SYNE2: variants seen among roughly 807,000 people sequenced by gnomAD.
SYNE2 encodes the protein spectrin repeat containing nuclear envelope protein 2, also known as nesprin-2.
SYNE2 carries 431 observed loss-of-function variants against 856.3 expected under a neutral mutation model. That is an observed-to-expected ratio of 0.50 (90% CI 0.47 to 0.55). The LOEUF (loss-of-function observed/expected upper bound fraction) is 0.55. Ranked by LOEUF, SYNE2 falls within the 20% of genes least tolerant of loss-of-function variation. SYNE2 has a pLI of 0.00. For synonymous variants in SYNE2, 2,923 were observed against 2,872.3 expected, an observed-to-expected ratio of 1.02 and a Z score of -0.56; for missense variants, 8,129 against 8,023.2, an observed-to-expected ratio of 1.01 and a Z score of -0.50.
chr14:64,133,030 G>A (rs188791659), intron 77 of SYNE2, among the ~76,000 whole-genome samples: 3 of 148,050 alleles, frequency 2.0e-5, no homozygotes, highest in Middle Eastern at 3.4e-3. Context: ...GTGAAACCCC[G>A]TCTCTACTAA....
chr14:64,216,445 CAA>C, intron 108 of SYNE2, 58 bp downstream of exon 108: 1 of 1,583,680 alleles, frequency 6.3e-7, no homozygotes, highest in South Asian at 1.1e-5. Flanking sequence ...CTTACATTTG[CAA>C]GAGAGAGAGA....
intron 115 of SYNE2, 82 bp from the exon 116 acceptor site, chr14:64,225,237 T>C (rs2098713762): frequency 1.2e-6 from 2 of 1,608,332 alleles, no homozygotes; most frequent in Admixed American, 3.3e-5. Context: ...GATTTCTTAC[T>C]TACATAAGCA....
In SYNE2 at chr14:63,941,805, T is replaced by C; in HGVS notation, c.237+15T>C. 1 of 1,613,334 alleles carries C rather than the reference T, an allele frequency of 6.2e-7. No homozygotes were observed. The highest frequency in any genetic ancestry group is 8.5e-7 in the Non-Finnish European group (1 of 1,179,270). On this transcript the variant is annotated intron_variant, in intron 4 of 115. Coordinates refer to ENST00000555002, the MANE Select transcript of SYNE2 (RefSeq NM_182914.3). ...GGCAACAGTTGGTAAGATTTTTAAA[T>C]GACACTGAGAAACTTTCTGTTGACT...
chr14:64,166,025 TA>T (rs549988817), intron 90 of SYNE2, among the ~76,000 whole-genome samples: 4 of 152,200 alleles, frequency 2.6e-5, no homozygotes, highest in East Asian at 1.9e-4. Context: ...TAGTTTAATA[TA>T]AAAAAAATTC....
At chr14:64,150,363 G>T (rs1368995719) in intron 84 of SYNE2, among the ~76,000 whole-genome samples, 1 of 149,054 alleles carries the variant, frequency 6.7e-6, no homozygotes, top group Non-Finnish European at 1.5e-5. Context: ...GGGACTGTAG[G>T]CGTGTGCCAC....
chr14:64,093,004 TG>T (rs1345121457), intron 60 of SYNE2, among the ~76,000 whole-genome samples: 1 of 151,556 alleles, frequency 6.6e-6, no homozygotes, highest in Admixed American at 6.6e-5. Flanking sequence ...GTATGTGACT[TG>T]TCAGTAACTT....
At chr14:63,993,427 A>G (rs1285523817) in intron 21 of SYNE2, among the ~76,000 whole-genome samples, 2 of 152,216 alleles carry the variant, frequency 1.3e-5, no homozygotes, top group Non-Finnish European at 2.9e-5. Flanking sequence ...TATACTCTTC[A>G]TATTATATTG....
rs545725497 is a variant in SYNE2, at chr14:64,138,210, C to T, written c.14843+227C>T. On this transcript the variant is annotated intron_variant, in intron 79 of 115. Transcript: ENST00000555002. ...GTTTGCTGTGATCGTTTTTTCTTTT[C>T]TTTTCTTTTCTTTTCTTTTTTGTTT... 4.2e-4 allele frequency among the ~76,000 whole-genome samples: 64 copies of T among 151,834 alleles called. 2 individuals carry two copies. The South Asian group carries it at 0.013, about 31-fold the overall frequency.
intron 1 of SYNE2, among the ~76,000 whole-genome samples, chr14:63,857,671 C>T (rs571757917): frequency 2.6e-5 from 4 of 152,262 alleles, no homozygotes; most frequent in African/African-American, 9.6e-5. Flanking sequence ...TGTGTAGTGA[C>T]ACCTCATTGT....
intron 1 of SYNE2, among the ~76,000 whole-genome samples, chr14:63,865,709 T>TG: frequency 1.5e-5 from 1 of 68,056 alleles, no homozygotes; most frequent in East Asian, 3.6e-4. Context: ...CAAAACTCTG[T>TG]ACCCACCCCC....
At chr14:63,768,364 A>C (rs1005801670) in intron 1 of SYNE2, among the ~76,000 whole-genome samples, 2 of 152,196 alleles carry the variant, frequency 1.3e-5, no homozygotes, top group African/African-American at 4.8e-5. Flanking sequence ...TTAAGCCTTC[A>C]TGTTGTAAAC....
intron 102 of SYNE2, 132 bp downstream of exon 102, chr14:64,209,710 GC>G: frequency 7.5e-7 from 1 of 1,337,876 alleles, no homozygotes; most frequent in Non-Finnish European, 1.0e-6. Context: ...ACCACAGCCT[GC>G]CCCCAGCTGC....
chr14:64,065,743 C>G (rs2097354286), intron 51 of SYNE2, 93 bp downstream of exon 51: 1 of 1,384,026 alleles, frequency 7.2e-7, no homozygotes. Flanking sequence ...AAAACGAGTC[C>G]TTAGCCTATA....
chr14:63,970,025 ATTATAC>A (rs2096453833), intron 11 of SYNE2, among the ~76,000 whole-genome samples: 1 of 152,154 alleles, frequency 6.6e-6, no homozygotes, highest in Non-Finnish European at 1.5e-5. Flanking sequence ...ATCTAGTAAT[ATTATAC>A]TTAATCTTAT....
Position 64,163,502 on chromosome 14 carries a change from T to C in SYNE2, c.16400T>C (p.Leu5467Pro), listed in dbSNP as rs1157859905. The C allele has an allele frequency of 6.2e-7, 1 of 1,613,974 alleles. No homozygotes were observed. Among genetic ancestry groups the C allele is most frequent in the East Asian group, 2.2e-5 (1 of 44,882 alleles). Residue 5467 changes from leucine to proline, a missense_variant, in exon 89 of 116, where the codon CTC becomes CCC. By Grantham distance (98) the Leu-to-Pro change is moderately conservative. This residue lies in a region of SYNE2 where 5,410 missense variants were observed against 5,284.8 expected (regional missense o/e 1.02). Transcript: ENST00000555002. ...PQPAESSTHM[L>P]LPGPLHSLQR... is the part of the protein sequence containing the mutation. ...CCCGCAGAGTCCAGCACCCACATGCTCCTCCCGGGCCCCCTGCACTCTCTC... is the reference window on the plus strand; with the variant it reads ...CCCGCAGAGTCCAGCACCCACATGCCCCTCCCGGGCCCCCTGCACTCTCTC...
chr14:63,859,809 C>T (rs760137722), intron 1 of SYNE2, among the ~76,000 whole-genome samples: 1 of 152,200 alleles, frequency 6.6e-6, no homozygotes, highest in Non-Finnish European at 1.5e-5. Context: ...GAGCAAGACT[C>T]TGCCTCGGGA....
Position 64,055,946 on chromosome 14 carries a change from T to A in SYNE2, c.9747T>A (p.Asn3249Lys). The change falls in exon 49 of 116, where the codon AAT (asparagine) becomes AAA (lysine). Residue 3249 changes from asparagine (N) to lysine (K), a missense_variant and splice_region_variant. Coordinates refer to ENST00000555002, the MANE Select transcript of SYNE2 (RefSeq NM_182914.3). ...GCATTTAATCTCCTATTCACTAGAATGTCTTGAATGATGCTTATGAAAATC... is the reference window on the plus strand; with the variant it reads ...GCATTTAATCTCCTATTCACTAGAAAGTCTTGAATGATGCTTATGAAAATC... ...QLNTSIDLRT[N>K]VLNDAYENLT... 6.2e-7 allele frequency: 1 copy of A among 1,613,022 alleles called. No individual in the cohort carries two copies. Among genetic ancestry groups the A allele is most frequent in the Non-Finnish European group, 8.5e-7 (1 of 1,179,208 alleles).
chr14:64,094,951 A>G (rs2097664507), intron 61 of SYNE2: 1 of 168,114 alleles, frequency 5.9e-6, no homozygotes, highest in African/African-American at 2.4e-5. Flanking sequence ...CATTTTTTTA[A>G]AGTAGTTATA....
At chr14:63,834,803 GCT>G (rs1889790678) in intron 1 of SYNE2, among the ~76,000 whole-genome samples, 1 of 151,542 alleles carries the variant, frequency 6.6e-6, no homozygotes, top group African/African-American at 2.4e-5. Context: ...ATCACACCCA[GCT>G]AATTTTTGTA....
Sources: gnomAD v4.1 joint callset for allele counts (sites outside exome capture counted in the v4.1 genomes callset) on GRCh38, gnomAD v4.1.1 for gene constraint, gnomAD v4.1.1 regional missense constraint, MANE v1.5 for transcripts, NCBI Gene and HGNC (gene_info 2026-07-23, HGNC 2026-07-21) for gene names.